The following BBX variants were observed in gnomAD, a reference collection of about 807,000 sequenced individuals.
BBX encodes BBX high mobility group box domain containing.
Under a neutral mutation model 100.2 loss-of-function variants are expected in BBX, and 30 were observed. The observed-to-expected ratio is 0.30, with a 90% CI of 0.22 to 0.41. BBX has a LOEUF of 0.41. BBX is among the 10% of genes least tolerant of loss of function. BBX has a pLI of 1.00. For missense variants in BBX, 1,023 were observed against 1,129.8 expected (o/e 0.91, Z 1.35); for synonymous variants, 376 against 388.1 (o/e 0.97, Z 0.37).
intron 9 of BBX, among the ~76,000 whole-genome samples, chr3:107,753,312 A>G (rs1194018578): frequency 6.6e-6 from 1 of 152,184 alleles, no homozygotes; most frequent in Non-Finnish European, 1.5e-5. Flanking sequence ...ACTTTTAGAA[A>G]TCGTATCTCA....
At chr3:107,789,989 C>A in intron 14 of BBX, 113 bp downstream of exon 14, 1 of 720,900 alleles carries the variant, frequency 1.4e-6, no homozygotes, top group Non-Finnish European at 2.2e-6. Context: ...CTGCTTGCTT[C>A]AGTGCCATCA....
At position 107,773,948 on chromosome 3, in the gene BBX, CT is replaced by C. The variant is rs2067114787; in HGVS notation, c.1915+315del. ...AAAGATTATTATTAAATATTCAGAG[CT>C]TTAGGTTTGGTTTTGAAAACTGGTG... is the stretch of plus-strand genomic sequence containing the variant. On this transcript the variant is annotated intron_variant, in intron 11 of 17. Transcript: ENST00000325805. This position sits in a 1 kb window ranked among gnomAD's most constrained non-coding sequence, Gnocchi z 4.1. 2.0e-5 allele frequency among the ~76,000 whole-genome samples: 3 copies of C among 152,094 alleles called. No individual in the cohort carries two copies.
At chr3:107,696,672 T>C (rs1208586135) in intron 3 of BBX, among the ~76,000 whole-genome samples, 2 of 151,780 alleles carry the variant, frequency 1.3e-5, no homozygotes. Flanking sequence ...GACAGTTGTG[T>C]ATCTTGGTGT....
chr3:107,774,334 GAT>G (rs2067145728), intron 11 of BBX, among the ~76,000 whole-genome samples: 2 of 152,110 alleles, frequency 1.3e-5, no homozygotes, highest in South Asian at 4.1e-4. Flanking sequence ...CCCAAATGAA[GAT>G]ACTTGGGCCT....
At chr3:107,689,874 T>C (rs1281989366) in intron 3 of BBX, among the ~76,000 whole-genome samples, 1 of 152,204 alleles carries the variant, frequency 6.6e-6, no homozygotes, top group Non-Finnish European at 1.5e-5. Context: ...TTATAGGCTG[T>C]GTTCCTAGTT....
chr3:107,564,463 AC>A (rs1453081135), intron 2 of BBX, among the ~76,000 whole-genome samples: 1 of 152,136 alleles, frequency 6.6e-6, no homozygotes, highest in East Asian at 1.9e-4. Flanking sequence ...TCTTTCGTAT[AC>A]CAGTGTCATT....
intron 3 of BBX, among the ~76,000 whole-genome samples, chr3:107,668,495 C>T (rs1239588523): frequency 6.6e-6 from 1 of 152,174 alleles, no homozygotes; most frequent in Non-Finnish European, 1.5e-5. Flanking sequence ...CCCGGAGCTG[C>T]TCAATAAACA....
intron 2 of BBX, among the ~76,000 whole-genome samples, chr3:107,550,216 C>G (rs1294706199): frequency 1.3e-5 from 2 of 151,950 alleles, no homozygotes; most frequent in Non-Finnish European, 2.9e-5. Context: ...TGAGATAACA[C>G]AAGGGGAATA....
At chr3:107,644,611 A>T (rs2057410419) in intron 2 of BBX, among the ~76,000 whole-genome samples, 1 of 152,192 alleles carries the variant, frequency 6.6e-6, no homozygotes, top group Non-Finnish European at 1.5e-5. Context: ...TGGAATTGGC[A>T]TGCTGCTTTC....
At chr3:107,563,602 T>C (rs609642) in intron 2 of BBX, among the ~76,000 whole-genome samples, 116,773 of 151,688 alleles carry the variant, frequency 0.77, 46,306 homozygotes, top group Middle Eastern at 0.84. Flanking sequence ...CATTTTTTTG[T>C]GTCAAAAACC....
chr3:107,762,749 A>G (rs1379456184), intron 10 of BBX, among the ~76,000 whole-genome samples: 2 of 152,216 alleles, frequency 1.3e-5, no homozygotes, highest in Admixed American at 1.3e-4. Flanking sequence ...CAACTCCTTT[A>G]TAATAGACAA....
chr3:107,791,031 C>T (rs1189895824), intron 14 of BBX, among the ~76,000 whole-genome samples: 1 of 152,098 alleles, frequency 6.6e-6, no homozygotes, highest in African/African-American at 2.4e-5. Flanking sequence ...TCATAAAAGA[C>T]AAAAATTTTA....
intron 10 of BBX, among the ~76,000 whole-genome samples, chr3:107,768,860 C>T (rs10933913): frequency 0.81 from 122,097 of 150,692 alleles, 49,716 homozygotes; most frequent in East Asian, 0.94. Context: ...AAAGATATTG[C>T]TAAATTGAAA....
In BBX at chr3:107,592,352, C is replaced by A. The variant is rs1407584879; in HGVS notation, c.-83-53484C>A. On this transcript the variant is annotated intron_variant, in intron 2 of 17. Transcript: ENST00000325805. ...CTCCAGTCTAGGTGATAGAGCGAGA[C>A]CCTGTCTCAAAAAAAAAAAAAAAAA... Among the ~76,000 whole-genome samples, 6 of 109,984 alleles carry A rather than the reference C, an allele frequency of 5.5e-5. No individual in the cohort carries two copies. The Admixed American group carries it at 6.1e-4, about 11-fold the overall frequency. The allele number at this position is 109,984 out of a possible 152,430, so 72.2% of individuals were successfully genotyped here. A position where few individuals can be genotyped will look rare whatever the true frequency, so the allele number is the denominator to read the frequency against.
At chr3:107,722,850 G>A (rs1030128700) in intron 5 of BBX, among the ~76,000 whole-genome samples, 25 of 151,980 alleles carry the variant, frequency 1.6e-4, no homozygotes, top group African/African-American at 5.5e-4. Context: ...TGAAGGAAAG[G>A]TCCTCAAACT....
In BBX at chr3:107,810,946, C is replaced by T. The variant is rs184089409; in HGVS notation, c.*5489C>T. ...TTTGCTTTCAGAAATTGGCTTGGTT[C>T]TCTTTAGAGTTGGTGTAAACATGCC... On this transcript the variant is annotated 3_prime_UTR_variant, in exon 18 of 18. Coordinates refer to ENST00000325805, the MANE Select transcript of BBX (RefSeq NM_001142568.3). The T allele has an allele frequency of 1.3e-4, 20 of 150,638 alleles. No individual in the cohort carries two copies. The highest frequency in any genetic ancestry group is 4.9e-4 in the African/African-American group (20 of 41,134). The allele number at this position is 150,638 out of a possible 1,614,324, so 9.3% of individuals were successfully genotyped here.
intron 2 of BBX, among the ~76,000 whole-genome samples, chr3:107,626,131 G>A (rs1040415790): frequency 6.6e-6 from 1 of 152,108 alleles, no homozygotes; most frequent in Admixed American, 6.5e-5. Context: ...CAATTTTAAA[G>A]TTTTTCTAAA....
intron 2 of BBX, among the ~76,000 whole-genome samples, chr3:107,631,745 G>A (rs1212539036): frequency 6.6e-6 from 1 of 152,064 alleles, no homozygotes; most frequent in East Asian, 1.9e-4. Flanking sequence ...CCTTAGCTAC[G>A]GAAGACTCTT....
intron 2 of BBX, among the ~76,000 whole-genome samples, chr3:107,599,758 A>G (rs1400393605): frequency 6.6e-6 from 1 of 152,208 alleles, no homozygotes; most frequent in Non-Finnish European, 1.5e-5. Flanking sequence ...AAGGTTAAAT[A>G]TGTGCTTCGT....
Sources: allele counts gnomAD v4.1 joint callset (sites outside exome capture counted in the v4.1 genomes callset), GRCh38; gene constraint gnomAD v4.1.1; non-coding constraint Gnocchi (gnomAD v3.1); transcripts MANE v1.5; gene names NCBI Gene and HGNC (gene_info 2026-07-23, HGNC 2026-07-21).